UBE3D: variants seen among roughly 807,000 people sequenced by gnomAD.
The protein encoded by UBE3D is E3 ubiquitin-protein ligase E3D.
Under a neutral mutation model 49.6 loss-of-function variants are expected in UBE3D, and 48 were observed. That is an observed-to-expected ratio of 0.97 (90% CI 0.77 to 1.23). UBE3D has a LOEUF of 1.23. Among genes scored for constraint, UBE3D ranks in the 50% most tolerant of loss-of-function variants. UBE3D has a pLI of 0.00. For synonymous variants in UBE3D, 189 were observed against 174.2 expected, an observed-to-expected ratio of 1.08 and a Z score of -0.67; for missense variants, 452 against 468.4, an observed-to-expected ratio of 0.96 and a Z score of 0.32.
In UBE3D at chr6:82,996,259, T is replaced by G. The variant is rs1015641367; in HGVS notation, c.1010+22714A>C. The stretch of plus-strand genomic sequence containing the variant: ...AAGTATGAGGTTAGGCAAAGGGACA[T>G]GAGAGTCAACCCAAGACTCCCAATG... On this transcript the variant is annotated intron_variant, in intron 8 of 9. Transcript: ENST00000369747. Among the ~76,000 whole-genome samples, 3 of 151,874 alleles carry G rather than the reference T, an allele frequency of 2.0e-5. No homozygotes were observed. In the South Asian group the frequency reaches 6.2e-4, roughly 32 times the overall value.
intron 5 of UBE3D, among the ~76,000 whole-genome samples, chr6:83,031,910 C>A (rs1354061884): frequency 1.3e-5 from 2 of 152,194 alleles, no homozygotes; most frequent in Non-Finnish European, 2.9e-5. Context: ...TGGTGACAAG[C>A]CTGTGGGTGC....
the UBE3D span, among the ~76,000 whole-genome samples, chr6:82,886,520 C>G: frequency 6.6e-6 from 1 of 152,116 alleles, no homozygotes; most frequent in African/African-American, 2.4e-5. Flanking sequence ...GTTGGAGACC[C>G]CTGATGTAGA....
At position 83,044,558 on chromosome 6, in the gene UBE3D, G is replaced by T. The variant is rs139706098; in HGVS notation, c.467C>A (p.Pro156Gln). 1.2e-6 allele frequency: 2 copies of T among 1,614,004 alleles called. No individual in the cohort carries two copies. Among genetic ancestry groups the T allele is most frequent in the Admixed American group, 3.3e-5 (2 of 60,016 alleles). The change falls in exon 4 of 10, where the codon CCG (proline) becomes CAG (glutamine). Residue 156 changes from proline (P) to glutamine (Q), a missense_variant. Physicochemically the swap from Pro to Gln is moderately conservative, Grantham distance 76 (BLOSUM62 -1). Coordinates refer to ENST00000369747, the MANE Select transcript of UBE3D (RefSeq NM_198920.3). ...TCCAATAAAACAGTCATTCTCTTGC[G>T]GATGAAGTGATTTATTAGCAAAGGG... ...PDPFANKSLH[P>Q]QENDCFIGDS...
At position 83,015,421 on chromosome 6, in the gene UBE3D, A is replaced by T. The variant is rs541794898; in HGVS notation, c.1010+3552T>A. ...CATATTTCAGCTAACCAAGCAAATAAACTATTAGAACCTTTTGTAACTCCC... is the reference window on the plus strand; with the variant it reads ...CATATTTCAGCTAACCAAGCAAATATACTATTAGAACCTTTTGTAACTCCC... On this transcript the variant is annotated intron_variant, in intron 8 of 9. Coordinates refer to ENST00000369747, the MANE Select transcript of UBE3D (RefSeq NM_198920.3). Among the ~76,000 whole-genome samples, 10 of 152,250 alleles carry T rather than the reference A, an allele frequency of 6.6e-5. No individual in the cohort carries two copies. In the South Asian group the frequency reaches 2.1e-3, roughly 32 times the overall value.
At chr6:82,982,143 T>A (rs1470506834) in intron 8 of UBE3D, among the ~76,000 whole-genome samples, 1 of 152,174 alleles carries the variant, frequency 6.6e-6, no homozygotes, top group Non-Finnish European at 1.5e-5. Context: ...CCCAGCTTCA[T>A]CAACAATCAA....
intron 8 of UBE3D, among the ~76,000 whole-genome samples, chr6:82,976,684 T>C (rs541933934): frequency 6.6e-6 from 1 of 152,298 alleles, no homozygotes; most frequent in Non-Finnish European, 1.5e-5. Flanking sequence ...ACATCATCTG[T>C]GTGCTTTACA....
At chr6:83,061,877 G>A (rs751502961) in intron 1 of UBE3D, among the ~76,000 whole-genome samples, 21 of 152,044 alleles carry the variant, frequency 1.4e-4, no homozygotes, top group Non-Finnish European at 3.1e-4. Context: ...CAACTCACCC[G>A]CATCTCTCTG....
At chr6:82,885,517 A>G in the UBE3D span, among the ~76,000 whole-genome samples, 1 of 152,048 alleles carries the variant, frequency 6.6e-6, no homozygotes, top group Non-Finnish European at 1.5e-5. Context: ...GACAAATGCT[A>G]TTTTTTTACC....
chr6:83,038,562 A>G, intron 4 of UBE3D, 77 bp from the exon 5 acceptor site: 1 of 1,249,506 alleles, frequency 8.0e-7, no homozygotes, highest in East Asian at 2.4e-5. Flanking sequence ...CATAGTCCCC[A>G]GAGTATACAT....
At chr6:82,957,843 C>T (rs528048515) in intron 8 of UBE3D, among the ~76,000 whole-genome samples, 1 of 152,142 alleles carries the variant, frequency 6.6e-6, no homozygotes, top group Non-Finnish European at 1.5e-5. Flanking sequence ...CTATTGTTAT[C>T]CCCATTCTAC....
At chr6:82,947,366 C>T (rs1012869033) in intron 9 of UBE3D, among the ~76,000 whole-genome samples, 1 of 152,062 alleles carries the variant, frequency 6.6e-6, no homozygotes, top group African/African-American at 2.4e-5. Flanking sequence ...CAACACCCCA[C>T]TTTCAGCATT....
chr6:83,039,314 G>A (rs1030180430), intron 4 of UBE3D, among the ~76,000 whole-genome samples: 4 of 152,216 alleles, frequency 2.6e-5, no homozygotes, highest in Non-Finnish European at 5.9e-5. Flanking sequence ...GTAGGCTGAA[G>A]TAAAGAAGGG....
chr6:83,062,469 C>T (rs552891204), intron 1 of UBE3D, among the ~76,000 whole-genome samples: 1 of 152,286 alleles, frequency 6.6e-6, no homozygotes, highest in Non-Finnish European at 1.5e-5. Context: ...ACGCACCTCC[C>T]ACTAGGCCCT....
intron 9 of UBE3D, among the ~76,000 whole-genome samples, chr6:82,908,057 C>A (rs1481414544): frequency 6.6e-6 from 1 of 152,050 alleles, no homozygotes; most frequent in African/African-American, 2.4e-5. Flanking sequence ...ATTGCAAAAA[C>A]ATTATGTTAA....
chr6:82,957,456 A>T lies in UBE3D; in HGVS notation c.1011-6T>A. 6.2e-7 allele frequency: 1 copy of T among 1,601,184 alleles called. No individual in the cohort carries two copies. Among genetic ancestry groups the T allele is most frequent in the Non-Finnish European group, 8.5e-7 (1 of 1,176,016 alleles). The stretch of plus-strand genomic sequence containing the variant: ...TTTCCCACAAGCTGACAAGTCTGGA[A>T]CACACCAACACATTAACTTTCAAAA... On this transcript the variant is annotated splice_region_variant and splice_polypyrimidine_tract_variant and intron_variant, in intron 8 of 9. Transcript: ENST00000369747.
chr6:83,027,434 C>CAAAAAAAAAAAAAAAAAAAAAAA lies in UBE3D; in HGVS notation c.668-3419_668-3397dup, dbSNP rs61225462. 8.1e-4 allele frequency among the ~76,000 whole-genome samples: 28 copies of CAAAAAAAAAAAAAAAAAAAAAAA among 34,640 alleles called. 8 individuals are homozygous for CAAAAAAAAAAAAAAAAAAAAAAA. Among genetic ancestry groups the CAAAAAAAAAAAAAAAAAAAAAAA allele is most frequent in the Non-Finnish European group, 1.1e-3 (22 of 19,586 alleles). The allele number at this position is 34,640 out of a possible 152,430, so 22.7% of individuals were successfully genotyped here. A position where few individuals can be genotyped will look rare whatever the true frequency, so the allele number is the denominator to read the frequency against. On this transcript the variant is annotated intron_variant, in intron 5 of 9. Coordinates refer to ENST00000369747, the MANE Select transcript of UBE3D (RefSeq NM_198920.3). ...CTGGCGACAGAGCGAGACTCCGTCT[C>CAAAAAAAAAAAAAAAAAAAAAAA]AAAAAAAAAAAAAAAAAAAAAAAAA...
intron 9 of UBE3D, among the ~76,000 whole-genome samples, chr6:82,951,793 A>G (rs1447597459): frequency 6.6e-6 from 1 of 152,196 alleles, no homozygotes; most frequent in Non-Finnish European, 1.5e-5. Context: ...CATTCTGACC[A>G]AAGAGGCCCT....
chr6:82,948,512 G>A (rs1183091922), intron 9 of UBE3D, among the ~76,000 whole-genome samples: 3 of 151,610 alleles, frequency 2.0e-5, no homozygotes, highest in Non-Finnish European at 3.0e-5. Context: ...CTCATTATAG[G>A]AGGCCAGAAG....
At chr6:83,050,051 G>C (rs965046845) in intron 3 of UBE3D, among the ~76,000 whole-genome samples, 1 of 151,996 alleles carries the variant, frequency 6.6e-6, no homozygotes, top group African/African-American at 2.4e-5. Flanking sequence ...ATAAAGAAAT[G>C]AGGCATTATT....
Sources: gnomAD v4.1 joint callset for allele counts (sites outside exome capture counted in the v4.1 genomes callset) on GRCh38, gnomAD v4.1.1 for gene constraint, MANE v1.5 for transcripts, NCBI Gene and HGNC (gene_info 2026-07-23, HGNC 2026-07-21) for gene names.